HECTD4: variants seen among roughly 807,000 people sequenced by gnomAD.
HECTD4 encodes HECT domain E3 ubiquitin protein ligase 4.
Under a neutral mutation model 471.5 loss-of-function variants are expected in HECTD4, and 114 were observed. The ratio of observed to expected loss-of-function variants is 0.24; its 90% CI spans 0.21 to 0.28. HECTD4 has a LOEUF of 0.28. HECTD4 is among the 10% of genes least tolerant of loss of function. The probability of loss-of-function intolerance (pLI) is 1.00; values close to 1 mark genes in which losing one functional copy is unlikely to be tolerated. For synonymous variants in HECTD4, 2,012 were observed against 2,256.0 expected (o/e 0.89, Z 3.07); for missense variants, 3,866 against 5,651.5 (o/e 0.68, Z 10.13).
In HECTD4 at chr12:112,195,075, G is replaced by T. The variant is rs1464336658; in HGVS notation, c.8568-9C>A. On this transcript the variant is annotated splice_polypyrimidine_tract_variant and intron_variant, in intron 55 of 75. Transcript: ENST00000682272. ...CGCAGCGCAGCAGCTCCCTGCAAGG[G>T]AAAAGGTGGGTGAGATACTCAAAGC... 2.5e-6 allele frequency: 4 copies of T among 1,584,152 alleles called. No individual in the cohort carries two copies. Among genetic ancestry groups the T allele is most frequent in the Non-Finnish European group, 3.4e-6 (4 of 1,166,586 alleles).
chr12:112,292,381 C>A (rs1016605398), intron 7 of HECTD4, among the ~76,000 whole-genome samples: 12 of 152,154 alleles, frequency 7.9e-5, no homozygotes, highest in African/African-American at 2.9e-4. Flanking sequence ...AGTCCCACAC[C>A]AAACACACAC....
chr12:112,251,594 A>G (rs986220033), intron 23 of HECTD4, among the ~76,000 whole-genome samples: 1 of 152,238 alleles, frequency 6.6e-6, no homozygotes, highest in Non-Finnish European at 1.5e-5. Flanking sequence ...CCTGAGATAC[A>G]TCAGAGAATG....
intron 1 of HECTD4, among the ~76,000 whole-genome samples, chr12:112,375,079 TCCTG>T (rs1490476144): frequency 1.3e-5 from 2 of 152,194 alleles, no homozygotes; most frequent in Non-Finnish European, 2.9e-5. Flanking sequence ...TCTCATCCTT[TCCTG>T]CCTGCCTGCC....
chr12:112,200,499 T>TA, intron 55 of HECTD4, 139 bp downstream of exon 55: 1 of 913,112 alleles, frequency 1.1e-6, no homozygotes, highest in Non-Finnish European at 1.6e-6. Context: ...ATTTTGCTGT[T>TA]ATCTTTATTA....
intron 55 of HECTD4, among the ~76,000 whole-genome samples, chr12:112,195,283 G>A (rs2032202856): frequency 6.6e-6 from 1 of 152,010 alleles, no homozygotes; most frequent in African/African-American, 2.4e-5. Flanking sequence ...AGCACTGTAG[G>A]GAAAAAAATA....
At chr12:112,329,234 TC>T (rs2035801150) in intron 1 of HECTD4, among the ~76,000 whole-genome samples, 1 of 152,192 alleles carries the variant, frequency 6.6e-6, no homozygotes, top group Admixed American at 6.6e-5. Flanking sequence ...CTCTTTCTCT[TC>T]CCCTTTCCAA....
intron 55 of HECTD4, among the ~76,000 whole-genome samples, chr12:112,198,519 G>A (rs55790639): frequency 1.3e-5 from 2 of 152,314 alleles, no homozygotes; most frequent in Non-Finnish European, 1.5e-5. Flanking sequence ...GTGGAGAGGA[G>A]AGTTGAGGCC....
At position 112,239,287 on chromosome 12, in the gene HECTD4, A is replaced by C. The variant is rs1593964408; in HGVS notation, c.5106-51T>G. The C allele has an allele frequency of 6.6e-6, 10 of 1,508,902 alleles. No individual in the cohort carries two copies. In the East Asian group the frequency reaches 2.4e-4, roughly 36 times the overall value. 93.5% of individuals were successfully genotyped at this position (1,508,902 alleles called of 1,614,324 possible). A position where few individuals can be genotyped will look rare whatever the true frequency, so the allele number is the denominator to read the frequency against. On this transcript the variant is annotated intron_variant, in intron 33 of 75. Transcript: ENST00000682272. This position sits in a 1 kb window ranked among gnomAD's most constrained non-coding sequence, Gnocchi z 4.9. ...AGATAAACGTAACTGACCGACACTCAGGAAACTCTCATGTGAGGTTCAAAG... is the reference window on the plus strand; with the variant it reads ...AGATAAACGTAACTGACCGACACTCCGGAAACTCTCATGTGAGGTTCAAAG...
intron 1 of HECTD4, among the ~76,000 whole-genome samples, chr12:112,337,641 A>G (rs917012945): frequency 2.6e-5 from 4 of 152,222 alleles, no homozygotes; most frequent in Non-Finnish European, 5.9e-5. Flanking sequence ...GGCAAGTGAA[A>G]TAATAGTTAT....
rs1044280544 is a variant in HECTD4 at position 112,327,403 on chromosome 12, CATTAA to C, written c.178-7666_178-7662del. Among the ~76,000 whole-genome samples, 256 of 151,868 alleles carry C rather than the reference CATTAA, an allele frequency of 1.7e-3. 1 individual carries two copies. The highest frequency in any genetic ancestry group is 4.5e-3 in the African/African-American group (187 of 41,470). ...GATTTTTTATTTATATTAAATAAAA[CATTAA>C]ATTAAATTAAATCATTAAATAAAAA... On this transcript the variant is annotated intron_variant, in intron 1 of 75. Transcript: ENST00000682272.
intron 1 of HECTD4, among the ~76,000 whole-genome samples, chr12:112,342,339 C>T (rs1330143940): frequency 6.6e-6 from 1 of 152,124 alleles, no homozygotes; most frequent in Non-Finnish European, 1.5e-5. Context: ...TGCCTGTAGT[C>T]CTACAGGCTC....
intron 62 of HECTD4, among the ~76,000 whole-genome samples, chr12:112,180,965 C>CT (rs1425437848): frequency 1.4e-5 from 2 of 147,732 alleles, no homozygotes; most frequent in Non-Finnish European, 3.0e-5. Context: ...CACTTGTCAG[C>CT]TAAAAAAAAA....
chr12:112,281,244 G>C (rs894519881), intron 8 of HECTD4, among the ~76,000 whole-genome samples: 4 of 151,254 alleles, frequency 2.6e-5, no homozygotes, highest in Admixed American at 1.3e-4. Context: ...GACCAGCCTG[G>C]ACAACATAAC....
chr12:112,243,736 T>C lies in HECTD4; in HGVS notation c.4675A>G (p.Ser1559Gly). 2 of 1,613,722 alleles carry C rather than the reference T, an allele frequency of 1.2e-6. No individual in the cohort carries two copies. Among genetic ancestry groups the C allele is most frequent in the Non-Finnish European group, 1.7e-6 (2 of 1,179,696 alleles). ...QRRRHVTSHR[S>G]SSFTLLQSLA... is the part of the protein sequence containing the mutation. ...GACTGCAGGAGTGTAAAGGAGCTGC[T>C]GCGGTGGCTGGTCACGTGGCGACGC... Residue 1559 changes from serine to glycine, a missense_variant, in exon 31 of 76, where the codon AGC becomes GGC. Ser to Gly is a moderately conservative substitution (Grantham distance 56). Coordinates refer to ENST00000682272, the MANE Select transcript of HECTD4 (RefSeq NM_001388303.1). The surrounding 1 kb of genome is among the most constrained non-coding windows in gnomAD (Gnocchi z 6.6).
intron 1 of HECTD4, among the ~76,000 whole-genome samples, chr12:112,326,922 T>C (rs766007180): frequency 8.5e-5 from 13 of 152,216 alleles, no homozygotes; most frequent in Non-Finnish European, 1.5e-4. Flanking sequence ...AGAAATTATA[T>C]TTCTAGGAAT....
chr12:112,296,598 G>A (rs536930730), intron 7 of HECTD4, among the ~76,000 whole-genome samples: 2 of 151,684 alleles, frequency 1.3e-5, no homozygotes, highest in East Asian at 3.9e-4. Flanking sequence ...GATGGTGTAG[G>A]TGCAGAGGAA....
At chr12:112,240,665 G>A (rs2033621146) in intron 32 of HECTD4, among the ~76,000 whole-genome samples, 1 of 151,894 alleles carries the variant, frequency 6.6e-6, no homozygotes. Context: ...TGCCCAGGCT[G>A]GTTTCAATCT....
At chr12:112,217,300 TACAC>T (rs138913540) in intron 45 of HECTD4, 105 bp from the exon 46 acceptor site, 27 of 603,284 alleles carry the variant, frequency 4.5e-5, no homozygotes, top group African/African-American at 1.7e-4. Context: ...AATATAGGCA[TACAC>T]ACACACACAC....
At position 112,213,722 on chromosome 12, in the gene HECTD4, T is replaced by TATATAAA. The variant is rs1566074705; in HGVS notation, c.7466-1073_7466-1072insTTTATAT. 1.1e-3 allele frequency among the ~76,000 whole-genome samples: 150 copies of TATATAAA among 135,166 alleles called. No homozygotes were observed. The highest frequency in any genetic ancestry group is 4.0e-3 in the African/African-American group (144 of 35,778). The allele number at this position is 135,166 out of a possible 152,430, so 88.7% of individuals were successfully genotyped here. A position where few individuals can be genotyped will look rare whatever the true frequency, so the allele number is the denominator to read the frequency against. On this transcript the variant is annotated intron_variant, in intron 48 of 75. Transcript: ENST00000682272. This position sits in a 1 kb window ranked among gnomAD's most constrained non-coding sequence, Gnocchi z 4.0. ...TACATATATATATATATATATATAA[T>TATATAAA]ATATATATAAAATTTAAGGCCAGAC...
Sources: gnomAD v4.1 joint callset for allele counts (sites outside exome capture counted in the v4.1 genomes callset) on GRCh38, gnomAD v4.1.1 for gene constraint, Gnocchi (gnomAD v3.1) non-coding constraint, MANE v1.5 for transcripts, NCBI Gene and HGNC (gene_info 2026-07-23, HGNC 2026-07-21) for gene names.